MRTFA: variants seen among roughly 807,000 people sequenced by gnomAD.
MRTFA encodes the protein myocardin-related transcription factor A.
Under a neutral mutation model 83.5 loss-of-function variants are expected in MRTFA, and 20 were observed. The observed-to-expected ratio is 0.24, with a 90% CI of 0.17 to 0.35. The LOEUF is 0.35. Ranked by LOEUF, MRTFA falls within the 10% of genes least tolerant of loss-of-function variation. MRTFA has a pLI of 1.00. For missense variants in MRTFA, 1,200 were observed against 1,224.7 expected (o/e 0.98, Z 0.30); for synonymous variants, 659 against 541.2 (o/e 1.22, Z -3.02).
chr22:40,571,454 T>G (rs564233310), intron 2 of MRTFA, among the ~76,000 whole-genome samples: 1 of 152,088 alleles, frequency 6.6e-6, no homozygotes, highest in African/African-American at 2.4e-5. Context: ...ATTTTAAAGT[T>G]TTGTGCATCA....
At chr22:40,616,593 G>A (rs889123785) in intron 1 of MRTFA, among the ~76,000 whole-genome samples, 1 of 152,164 alleles carries the variant, frequency 6.6e-6, no homozygotes, top group East Asian at 1.9e-4. Context: ...TGGAATGGAC[G>A]TGAGGAGGAA....
At chr22:40,632,624 C>T (rs576918273) in intron 1 of MRTFA, among the ~76,000 whole-genome samples, 30 of 152,156 alleles carry the variant, frequency 2.0e-4, no homozygotes, top group African/African-American at 6.5e-4. Context: ...TTAGTAGCGA[C>T]GGGGTTTCCC....
chr22:40,513,371 C>T (rs1354872909), intron 3 of MRTFA, among the ~76,000 whole-genome samples: 5 of 152,172 alleles, frequency 3.3e-5, no homozygotes, highest in African/African-American at 4.8e-5. Flanking sequence ...GAGGCCAAGG[C>T]GGGTGGATGA....
chr22:40,578,519 C>G (rs1369215252), intron 2 of MRTFA, among the ~76,000 whole-genome samples: 1 of 152,140 alleles, frequency 6.6e-6, no homozygotes, highest in South Asian at 2.1e-4. Context: ...ATAATCTCAT[C>G]GACTCAGGAG....
chr22:40,563,030 C>A (rs949315910), intron 2 of MRTFA, among the ~76,000 whole-genome samples: 4 of 152,108 alleles, frequency 2.6e-5, no homozygotes, highest in Non-Finnish European at 5.9e-5. Flanking sequence ...AATCAGTCAT[C>A]CAAATATTTC....
rs984323358 is a variant in MRTFA at position 40,500,075 on chromosome 22, G to A, written c.242-36789C>T. Among the ~76,000 whole-genome samples, 4 of 151,460 alleles carry A rather than the reference G, an allele frequency of 2.6e-5. No homozygotes were observed. The East Asian group carries it at 5.8e-4, about 22-fold the overall frequency. Reference sequence around the variant, plus strand: ...CTCCCTAGTAGCTGAGATTACAGGCGCTCACCACTACACCCAGCTAATTTT... The same window carrying A: ...CTCCCTAGTAGCTGAGATTACAGGCACTCACCACTACACCCAGCTAATTTT... On this transcript the variant is annotated intron_variant, in intron 3 of 14. Transcript: ENST00000355630.
chr22:40,583,435 C>G (rs73887838), intron 2 of MRTFA, among the ~76,000 whole-genome samples: 1 of 152,162 alleles, frequency 6.6e-6, no homozygotes, highest in African/African-American at 2.4e-5. Flanking sequence ...TAGGCACACT[C>G]AAGCCACAAA....
chr22:40,470,151 G>GAGGTGGAT (rs1356256723), intron 3 of MRTFA, among the ~76,000 whole-genome samples: 1 of 146,448 alleles, frequency 6.8e-6, no homozygotes, highest in Non-Finnish European at 1.5e-5. Flanking sequence ...TTGAACCCTG[G>GAGGTGGAT]AGGTGGATGT....
intron 1 of MRTFA, among the ~76,000 whole-genome samples, chr22:40,599,735 C>CA (rs1301268147): frequency 6.6e-6 from 1 of 151,798 alleles, no homozygotes; most frequent in South Asian, 2.1e-4. Flanking sequence ...CCCATCGCTA[C>CA]AAAAAATACA....
At chr22:40,562,133 C>T (rs770453078) in intron 2 of MRTFA, among the ~76,000 whole-genome samples, 1 of 151,242 alleles carries the variant, frequency 6.6e-6, no homozygotes, top group East Asian at 2.0e-4. Context: ...CGGAGAACGG[C>T]GTGAACCCGG....
At chr22:40,532,127 A>G (rs1012478891) in intron 3 of MRTFA, among the ~76,000 whole-genome samples, 1 of 152,214 alleles carries the variant, frequency 6.6e-6, no homozygotes, top group Non-Finnish European at 1.5e-5. Context: ...TGACGAAGGA[A>G]AAACAGCTCT....
chr22:40,605,654 A>C (rs534322050), intron 1 of MRTFA, among the ~76,000 whole-genome samples: 1 of 152,230 alleles, frequency 6.6e-6, no homozygotes, highest in Non-Finnish European at 1.5e-5. Context: ...TTTTTTACCA[A>C]GAAGAATTTT....
At chr22:40,629,487 G>A (rs1487412768) in intron 1 of MRTFA, among the ~76,000 whole-genome samples, 1 of 148,670 alleles carries the variant, frequency 6.7e-6, no homozygotes, top group Non-Finnish European at 1.5e-5. Context: ...AGCAGGCCAG[G>A]CACAGTGGCT....
chr22:40,520,747 T>C (rs973032130), intron 3 of MRTFA, among the ~76,000 whole-genome samples: 1 of 152,234 alleles, frequency 6.6e-6, no homozygotes, highest in African/African-American at 2.4e-5. Context: ...CAGTGATTTC[T>C]TTTTATGAGT....
chr22:40,614,230 T>A (rs1489186559), intron 1 of MRTFA, among the ~76,000 whole-genome samples: 4 of 148,936 alleles, frequency 2.7e-5, no homozygotes, highest in African/African-American at 4.9e-5. Context: ...AATAAATAAA[T>A]AAAAAATAAA....
chr22:40,571,026 C>CAAAAAAAAAA (rs71199292), intron 2 of MRTFA, among the ~76,000 whole-genome samples: 3 of 46,730 alleles, frequency 6.4e-5, no homozygotes, highest in African/African-American at 9.2e-5. Context: ...CCTGTCTCTA[C>CAAAAAAAAAA]AAAAAAAAAA....
intron 4 of MRTFA, among the ~76,000 whole-genome samples, chr22:40,444,252 C>T (rs546763416): frequency 6.6e-6 from 1 of 152,044 alleles, no homozygotes; most frequent in African/African-American, 2.4e-5. Flanking sequence ...CTAATCTGAA[C>T]AACAGAAAGA....
chr22:40,463,322 T>TCA, intron 3 of MRTFA, 36 bp from the exon 4 acceptor site: 1 of 1,561,314 alleles, frequency 6.4e-7, no homozygotes, highest in Non-Finnish European at 8.8e-7. Flanking sequence ...AGATGAGGGG[T>TCA]CAGTTGGGTA....
intron 2 of MRTFA, among the ~76,000 whole-genome samples, chr22:40,556,150 C>T (rs1436779299): frequency 1.3e-5 from 2 of 152,098 alleles, no homozygotes; most frequent in South Asian, 2.1e-4. Context: ...CTCTAAAATA[C>T]TTACATGGCT....
Sources: gnomAD v4.1 joint callset for allele counts (sites outside exome capture counted in the v4.1 genomes callset) on GRCh38, gnomAD v4.1.1 for gene constraint, MANE v1.5 for transcripts, NCBI Gene and HGNC (gene_info 2026-07-23, HGNC 2026-07-21) for gene names.